Variants in GRK7 observed in about 807,000 individuals in gnomAD.
GRK7 encodes G protein-coupled receptor kinase 7, also known as rhodopsin kinase GRK7.
In GRK7, 24 loss-of-function variants were observed where a neutral mutation model predicts 34.1. The ratio of observed to expected loss-of-function variants is 0.70; its 90% CI spans 0.51 to 0.99. The LOEUF is 0.99. Among genes scored for constraint, GRK7 ranks in the 50% least tolerant of loss-of-function variants. GRK7 has a pLI of 0.00. For synonymous variants in GRK7, 256 were observed against 279.4 expected, an observed-to-expected ratio of 0.92 and a Z score of 0.84; for missense variants, 644 against 707.3, an observed-to-expected ratio of 0.91 and a Z score of 1.02.
intron 4 of GRK7, among the ~76,000 whole-genome samples, chr3:141,785,657 G>C (rs2084692628): frequency 6.6e-6 from 1 of 152,052 alleles, no homozygotes; most frequent in South Asian, 2.1e-4. Context: ...CCAGCTACTT[G>C]GGAGGCTGCT....
At chr3:141,791,378 G>A (rs2084723499) in intron 4 of GRK7, among the ~76,000 whole-genome samples, 1 of 151,432 alleles carries the variant, frequency 6.6e-6, no homozygotes, top group Non-Finnish European at 1.5e-5. Flanking sequence ...TTCTTTAAGT[G>A]CTCACTTCTG....
intron 4 of GRK7, among the ~76,000 whole-genome samples, chr3:141,798,319 G>A (rs1385391034): frequency 6.6e-6 from 1 of 152,232 alleles, no homozygotes; most frequent in African/African-American, 2.4e-5. Context: ...AACCCCGTGA[G>A]GTCTGTTGTT....
chr3:141,781,409 C>T (rs915632149), intron 4 of GRK7, among the ~76,000 whole-genome samples: 6 of 151,604 alleles, frequency 4.0e-5, no homozygotes, highest in Non-Finnish European at 5.9e-5. Context: ...TGGTGACAGG[C>T]GCCTGTAATC....
intron 5 of GRK7, among the ~76,000 whole-genome samples, chr3:141,811,774 AATGC>A (rs747978594): frequency 1.3e-5 from 2 of 152,204 alleles, no homozygotes; most frequent in African/African-American, 2.4e-5. Context: ...GCAGAGTTCA[AATGC>A]TCCCTCCCTG....
chr3:141,809,469 G>A (rs1711071523), intron 5 of GRK7, among the ~76,000 whole-genome samples: 1 of 152,118 alleles, frequency 6.6e-6, no homozygotes, highest in Non-Finnish European at 1.5e-5. Context: ...AGGCCAAGGT[G>A]GGAGGATTGC....
intron 5 of GRK7, among the ~76,000 whole-genome samples, chr3:141,814,874 C>T (rs996452472): frequency 6.6e-6 from 1 of 151,638 alleles, no homozygotes; most frequent in Non-Finnish European, 1.5e-5. Flanking sequence ...TCTGCAGCCC[C>T]TCCAATATCT....
At chr3:141,776,308 A>T (rs895173803) in intron 2 of GRK7, among the ~76,000 whole-genome samples, 10 of 150,584 alleles carry the variant, frequency 6.6e-5, no homozygotes, top group South Asian at 4.2e-4. Context: ...TAAAAAAAAT[A>T]AAAAATATAT....
Position 141,816,834 on chromosome 3 carries a change from C to T in GRK7, c.1446C>T (p.Asp482=). The change falls in exon 6 of 6, where the codon GAC becomes GAT. Residue 482 remains aspartate (D), a synonymous_variant. Coordinates refer to ENST00000682958, the MANE Select transcript of GRK7 (RefSeq NM_139209.3). ...VPDPSVVYAK[D]IAEIDDFSEV... The stretch of plus-strand genomic sequence containing the variant: ...ACCCTTCAGTGGTTTATGCCAAAGA[C>T]ATCGCTGAAATTGATGATTTCTCTG... 6.2e-7 allele frequency: 1 copy of T among 1,613,868 alleles called. No individual in the cohort carries two copies. The highest frequency in any genetic ancestry group is 1.1e-5 in the South Asian group (1 of 91,040).
At position 141,777,491 on chromosome 3, in the gene GRK7, A is replaced by ATTT. The variant is rs530806848; in HGVS notation, c.-113-668_-113-666dup. On this transcript the variant is annotated intron_variant, in intron 2 of 5. Coordinates refer to ENST00000682958, the MANE Select transcript of GRK7 (RefSeq NM_139209.3). ...AGGCGCCCGCCATCAAGCCCGGCTA[A>ATTT]TTTTTTTTTTTTTTTGTATTTTTTT... Among the ~76,000 whole-genome samples, 145 of 80,554 alleles carry ATTT rather than the reference A, an allele frequency of 1.8e-3. 5 individuals carry two copies. The highest frequency in any genetic ancestry group is 6.9e-3 in the African/African-American group (116 of 16,862). The allele number at this position is 80,554 out of a possible 152,430, so 52.8% of individuals were successfully genotyped here.
Position 141,817,861 on chromosome 3 carries a change from G to A in GRK7, c.*811G>A, listed in dbSNP as rs985141621. ...CATTCTGATCCCCACTCCCAGGTAT[G>A]AGAACAGCTTGACCATTTAGAATTT... On this transcript the variant is annotated 3_prime_UTR_variant, in exon 6 of 6. Transcript: ENST00000682958. The A allele has an allele frequency of 2.0e-5, 3 of 152,190 alleles. No homozygotes were observed. Among genetic ancestry groups the A allele is most frequent in the African/African-American group, 7.2e-5 (3 of 41,454 alleles). 9.4% of individuals were successfully genotyped at this position (152,190 alleles called of 1,614,324 possible).
At chr3:141,775,910 G>A (rs116089482) in intron 2 of GRK7, among the ~76,000 whole-genome samples, 215 of 152,104 alleles carry the variant, frequency 1.4e-3, no homozygotes, top group African/African-American at 4.8e-3. Flanking sequence ...GAAAGTATTA[G>A]CATGAGTGGA....
rs1485220659 is a variant in GRK7, at chr3:141,818,148, G to A, written c.*1098G>A. On this transcript the variant is annotated 3_prime_UTR_variant, in exon 6 of 6. Coordinates refer to ENST00000682958, the MANE Select transcript of GRK7 (RefSeq NM_139209.3). ...ACGTATCTTGGGAGCTCGGTCTCTT[G>A]GCTATTTCAAGTCCTGAAGGAGACC... 4 of 152,100 alleles carry A rather than the reference G, an allele frequency of 2.6e-5. No homozygotes were observed. The highest frequency in any genetic ancestry group is 4.4e-5 in the Non-Finnish European group (3 of 68,010). The allele number at this position is 152,100 out of a possible 1,614,324, so 9.4% of individuals were successfully genotyped here. A position where few individuals can be genotyped will look rare whatever the true frequency, so the allele number is the denominator to read the frequency against.
chr3:141,776,695 G>A (rs1247598601), intron 2 of GRK7, among the ~76,000 whole-genome samples: 1 of 152,198 alleles, frequency 6.6e-6, no homozygotes, highest in East Asian at 1.9e-4. Flanking sequence ...GGGAACAGTC[G>A]GAGGCTCTGA....
chr3:141,762,424 C>CTCGGGGG (rs2084559511), upstream of GRK7, among the ~76,000 whole-genome samples: 1 of 147,086 alleles, frequency 6.8e-6, no homozygotes, highest in Non-Finnish European at 1.5e-5. Context: ...AGTTAGGCTG[C>CTCGGGGG]TCGGGGGTCA....
chr3:141,760,749 T>C (rs1369131706), upstream of GRK7, among the ~76,000 whole-genome samples: 1 of 144,470 alleles, frequency 6.9e-6, no homozygotes, highest in African/African-American at 2.6e-5. Flanking sequence ...TGTGGCAGTC[T>C]AAGTCTCTTT....
the GRK7 span, among the ~76,000 whole-genome samples, chr3:141,756,060 C>T: frequency 6.6e-6 from 1 of 150,800 alleles, no homozygotes; most frequent in South Asian, 2.1e-4. Context: ...CCTGTAATCC[C>T]AAGCACTTTG....
chr3:141,779,468 T>C (rs950471786), intron 3 of GRK7, among the ~76,000 whole-genome samples: 2 of 151,242 alleles, frequency 1.3e-5, no homozygotes, highest in African/African-American at 4.9e-5. Context: ...TGAAGTAAGG[T>C]TGAGAACCTG....
upstream of GRK7, among the ~76,000 whole-genome samples, chr3:141,760,352 C>G (rs1254593179): frequency 7.2e-6 from 1 of 139,786 alleles, no homozygotes; most frequent in Non-Finnish European, 1.5e-5. Flanking sequence ...ATCTTTATTT[C>G]TGCCTTCATT....
At chr3:141,774,879 G>A (rs770930251) in intron 2 of GRK7, among the ~76,000 whole-genome samples, 199 bp downstream of exon 2, 2 of 151,522 alleles carry the variant, frequency 1.3e-5, no homozygotes, top group Admixed American at 6.6e-5. Flanking sequence ...TGCAGCTTCC[G>A]CCTCCTGGGT....
Sources: allele counts gnomAD v4.1 joint callset (sites outside exome capture counted in the v4.1 genomes callset), GRCh38; gene constraint gnomAD v4.1.1; transcripts MANE v1.5; gene names NCBI Gene and HGNC (gene_info 2026-07-23, HGNC 2026-07-21).